The following DPP10 variants were observed in gnomAD, a reference collection of about 807,000 sequenced individuals.
The protein encoded by DPP10 is inactive dipeptidyl peptidase 10.
Under a neutral mutation model 120.9 loss-of-function variants are expected in DPP10, and 33 were observed. The observed-to-expected ratio is 0.27, with a 90% CI of 0.21 to 0.37. The LOEUF (loss-of-function observed/expected upper bound fraction) is 0.37, where lower values mean the gene tolerates loss of function less well. Among genes scored for constraint, DPP10 ranks in the 10% least tolerant of loss-of-function variants. The pLI, the probability that DPP10 is intolerant of heterozygous loss-of-function variation, is 1.00. For missense variants in DPP10, 816 were observed against 942.8 expected (o/e 0.87, Z 1.76); for synonymous variants, 337 against 326.1 (o/e 1.03, Z -0.36).
intron 1 of DPP10, among the ~76,000 whole-genome samples, chr2:114,906,764 T>A (rs1693999662): frequency 6.6e-6 from 1 of 152,168 alleles, no homozygotes; most frequent in Non-Finnish European, 1.5e-5. Context: ...TGTCCTAGTA[T>A]TTTGTTAGGT....
At chr2:115,771,677 A>G (rs1289100834) in intron 13 of DPP10, among the ~76,000 whole-genome samples, 1 of 152,076 alleles carries the variant, frequency 6.6e-6, no homozygotes, top group Non-Finnish European at 1.5e-5. Context: ...TTGCTGTGCT[A>G]CATGATTCTA....
At position 115,015,641 on chromosome 2, in the gene DPP10, A is replaced by G. The variant is rs184151890; in HGVS notation, c.61-293598A>G. Among the ~76,000 whole-genome samples, 409 of 152,332 alleles carry G rather than the reference A, an allele frequency of 2.7e-3. 2 individuals are homozygous for G. The highest frequency in any genetic ancestry group is 6.0e-3 in the South Asian group (29 of 4,824). ...CAAAATCTCCTTAGGCTGATAAGCA[A>G]CTTCAGCAGTCTCAAAATACAAAAT... On this transcript the variant is annotated intron_variant, in intron 1 of 25. Coordinates refer to ENST00000410059, the MANE Select transcript of DPP10 (RefSeq NM_020868.6).
At chr2:115,064,809 A>G in intron 1 of DPP10, 1 of 1,304,214 alleles carries the variant, frequency 7.7e-7, no homozygotes, top group South Asian at 1.2e-5. Context: ...TGAAAAGGTA[A>G]GTGGATGCTA....
chr2:115,542,681 T>C (rs772090757), intron 5 of DPP10, among the ~76,000 whole-genome samples: 2 of 151,290 alleles, frequency 1.3e-5, no homozygotes, highest in Non-Finnish European at 2.9e-5. Context: ...GCACAAGCAT[T>C]AAGAGATGAC....
intron 1 of DPP10, among the ~76,000 whole-genome samples, chr2:114,670,030 G>T (rs1050308398): frequency 6.6e-6 from 1 of 152,120 alleles, no homozygotes; most frequent in African/African-American, 2.4e-5. Flanking sequence ...ACAGGTGCTG[G>T]AGAGGATGTG....
chr2:115,245,360 A>G (rs2058486190), intron 1 of DPP10, among the ~76,000 whole-genome samples: 1 of 152,014 alleles, frequency 6.6e-6, no homozygotes, highest in Non-Finnish European at 1.5e-5. Flanking sequence ...CAAATGGCCA[A>G]CAAACATATG....
chr2:114,579,696 G>C (rs916650876), intron 1 of DPP10, among the ~76,000 whole-genome samples: 1 of 152,178 alleles, frequency 6.6e-6, no homozygotes, highest in Non-Finnish European at 1.5e-5. Flanking sequence ...AAATCTCGTC[G>C]GAGAGAAGGG....
In DPP10 at chr2:114,541,990, T is replaced by A. The variant is rs188608333; in HGVS notation, c.60+99152T>A. On this transcript the variant is annotated intron_variant, in intron 1 of 25. Transcript: ENST00000410059. ...TGGATTCTCAATGGGAGATTTTTTT[T>A]AAAAAACCAGTTTCTGCTTGAATAT... is the stretch of plus-strand genomic sequence containing the variant. Among the ~76,000 whole-genome samples, 96 of 151,710 alleles carry A rather than the reference T, an allele frequency of 6.3e-4. 3 individuals carry two copies. The highest frequency in any genetic ancestry group is 3.4e-3 in the Middle Eastern group (1 of 294).
chr2:114,459,778 A>ACAAGAACTTACTC (rs1226268331), intron 1 of DPP10, among the ~76,000 whole-genome samples: 1 of 152,208 alleles, frequency 6.6e-6, no homozygotes, highest in Non-Finnish European at 1.5e-5. Context: ...GTGACTTACT[A>ACAAGAACTTACTC]CAAGAACTTA....
chr2:115,468,712 G>A (rs531271221), intron 3 of DPP10: 71 of 372,994 alleles, frequency 1.9e-4, no homozygotes, highest in Non-Finnish European at 3.1e-4. Context: ...AAAAAGCTAT[G>A]ACCAAGGAAG....
At chr2:115,067,590 G>A (rs1224593158) in intron 1 of DPP10, among the ~76,000 whole-genome samples, 5 of 145,236 alleles carry the variant, frequency 3.4e-5, no homozygotes, top group African/African-American at 7.5e-5. Flanking sequence ...ATGGCCGGGC[G>A]CGGTGGCTCA....
At chr2:114,831,281 T>C (rs1687096727) in intron 1 of DPP10, among the ~76,000 whole-genome samples, 1 of 152,150 alleles carries the variant, frequency 6.6e-6, no homozygotes, top group African/African-American at 2.4e-5. Context: ...CATGCATTTG[T>C]GTCCCATATT....
In DPP10 at chr2:115,254,364, A is replaced by G. The variant is rs75647140; in HGVS notation, c.61-54875A>G. Among the ~76,000 whole-genome samples, 614 of 152,204 alleles carry G rather than the reference A, an allele frequency of 4.0e-3. 5 individuals are homozygous for G. The highest frequency in any genetic ancestry group is 0.014 in the African/African-American group (575 of 41,538). On this transcript the variant is annotated intron_variant, in intron 1 of 25. Transcript: ENST00000410059. Reference sequence around the variant, plus strand: ...GAGGGGAGTGACCCCCCATGATTCAATTTTCTCCACCTGCTCTCTCCCATG... The same window carrying G: ...GAGGGGAGTGACCCCCCATGATTCAGTTTTCTCCACCTGCTCTCTCCCATG...
At chr2:114,819,386 G>A (rs1415359595) in intron 1 of DPP10, among the ~76,000 whole-genome samples, 1 of 152,134 alleles carries the variant, frequency 6.6e-6, no homozygotes. Flanking sequence ...TCTAAAATGA[G>A]GGGGATGGGC....
chr2:114,981,179 T>C (rs957788392), intron 1 of DPP10, among the ~76,000 whole-genome samples: 2 of 152,158 alleles, frequency 1.3e-5, no homozygotes, highest in African/African-American at 4.8e-5. Context: ...GAATAAGTCC[T>C]GAAAAGACTT....
intron 1 of DPP10, among the ~76,000 whole-genome samples, chr2:115,193,463 A>C (rs2055026401): frequency 6.6e-6 from 1 of 152,204 alleles, no homozygotes; most frequent in Non-Finnish European, 1.5e-5. Flanking sequence ...AAAACCTGTA[A>C]GTTTGGGATT....
intron 3 of DPP10, among the ~76,000 whole-genome samples, chr2:115,488,801 A>G (rs1191846469): frequency 7.4e-6 from 1 of 134,704 alleles, no homozygotes; most frequent in African/African-American, 2.8e-5. Context: ...TAGTGGGTGC[A>G]GCGCACCAGC....
chr2:115,562,790 T>G (rs2149056665), intron 5 of DPP10, among the ~76,000 whole-genome samples: 1 of 152,330 alleles, frequency 6.6e-6, no homozygotes, highest in East Asian at 1.9e-4. Context: ...TTTTATATCT[T>G]CTATTGTCTA....
intron 1 of DPP10, among the ~76,000 whole-genome samples, chr2:114,765,354 G>C (rs974741454): frequency 1.3e-5 from 2 of 152,036 alleles, no homozygotes; most frequent in African/African-American, 2.4e-5. Flanking sequence ...GTCTAAAAAT[G>C]GTTCTGATAT....
Sources: gnomAD v4.1 joint callset for allele counts (sites outside exome capture counted in the v4.1 genomes callset) on GRCh38, gnomAD v4.1.1 for gene constraint, MANE v1.5 for transcripts, NCBI Gene and HGNC (gene_info 2026-07-23, HGNC 2026-07-21) for gene names.